PDE3A: variants seen among roughly 807,000 people sequenced by gnomAD.
PDE3A encodes the protein phosphodiesterase 3A.
Under a neutral mutation model 98.3 loss-of-function variants are expected in PDE3A, and 43 were observed. The observed-to-expected ratio is 0.44, with a 90% CI of 0.34 to 0.56. The LOEUF is 0.56. Ranked by LOEUF, PDE3A falls within the 20% of genes least tolerant of loss-of-function variation. The pLI, the probability that PDE3A is intolerant of heterozygous loss-of-function variation, is 0.01. For missense variants in PDE3A, 1,427 were observed against 1,440.7 expected (o/e 0.99, Z 0.15); for synonymous variants, 663 against 567.9 (o/e 1.17, Z -2.38).
chr12:20,386,070 A>AAATATATATAAAATATAT (rs1565532446), intron 1 of PDE3A, among the ~76,000 whole-genome samples: 1 of 37,146 alleles, frequency 2.7e-5, no homozygotes, highest in Non-Finnish European at 4.7e-5. Flanking sequence ...AAATATATAT[A>AAATATATATAAAATATAT]AAATATATAT....
chr12:20,393,418 C>T (rs932588515), intron 1 of PDE3A, among the ~76,000 whole-genome samples: 7 of 151,988 alleles, frequency 4.6e-5, no homozygotes, highest in African/African-American at 1.2e-4. Context: ...ATTCAGTTAC[C>T]TCCCACCAGT....
intron 1 of PDE3A, among the ~76,000 whole-genome samples, chr12:20,498,392 G>C (rs1307493895): frequency 6.6e-6 from 1 of 151,858 alleles, no homozygotes; most frequent in Non-Finnish European, 1.5e-5. Flanking sequence ...AAAAAAGTGA[G>C]TGAGTGTGTC....
intron 15 of PDE3A, among the ~76,000 whole-genome samples, chr12:20,668,703 C>G (rs1388847945): frequency 6.7e-6 from 1 of 150,020 alleles, no homozygotes; most frequent in African/African-American, 2.4e-5. Context: ...ATCTGTACAT[C>G]ACCATCATCA....
chr12:20,525,200 G>A (rs1358459012), intron 1 of PDE3A, among the ~76,000 whole-genome samples: 15 of 152,144 alleles, frequency 9.9e-5, no homozygotes, highest in Admixed American at 4.6e-4. Context: ...CTCCCTGTGC[G>A]TCAGTTTCCT....
At chr12:20,539,097 T>C (rs1941829012) in intron 1 of PDE3A, among the ~76,000 whole-genome samples, 1 of 152,086 alleles carries the variant, frequency 6.6e-6, no homozygotes, top group Non-Finnish European at 1.5e-5. Context: ...AAATGGAAGA[T>C]AGACAAAAGC....
chr12:20,446,024 A>G (rs1183769225), intron 1 of PDE3A, among the ~76,000 whole-genome samples: 2 of 152,192 alleles, frequency 1.3e-5, no homozygotes, highest in African/African-American at 4.8e-5. Flanking sequence ...GTGGTTCAAG[A>G]ATATCAGAGG....
intron 1 of PDE3A, among the ~76,000 whole-genome samples, chr12:20,546,546 G>A (rs1942064018): frequency 6.6e-6 from 1 of 151,886 alleles, no homozygotes; most frequent in Admixed American, 6.6e-5. Flanking sequence ...AGCAAATATA[G>A]GTAGCATAGA....
At chr12:20,502,585 G>T (rs983394965) in intron 1 of PDE3A, among the ~76,000 whole-genome samples, 1 of 152,112 alleles carries the variant, frequency 6.6e-6, no homozygotes, top group Non-Finnish European at 1.5e-5. Context: ...CCTAGAGCAG[G>T]TCTAGCAAAT....
chr12:20,467,313 TTTG>T (rs199525851), intron 1 of PDE3A, among the ~76,000 whole-genome samples: 2,125 of 127,044 alleles, frequency 0.017, 30 homozygotes, highest in African/African-American at 0.043. Flanking sequence ...ATGCTTTTTT[TTTG>T]TTTGTATATC....
chr12:20,563,265 T>G (rs750914308), intron 2 of PDE3A, among the ~76,000 whole-genome samples: 3 of 152,186 alleles, frequency 2.0e-5, no homozygotes, highest in Non-Finnish European at 2.9e-5. Context: ...GTTAAATCAT[T>G]TGTTTTTGAT....
At chr12:20,571,202 C>T (rs566533570) in intron 2 of PDE3A, among the ~76,000 whole-genome samples, 1 of 152,148 alleles carries the variant, frequency 6.6e-6, no homozygotes, top group Admixed American at 6.6e-5. Flanking sequence ...GTAAACTGAT[C>T]TCAGTCATAT....
intron 1 of PDE3A, among the ~76,000 whole-genome samples, chr12:20,403,914 C>T (rs1244651075): frequency 6.6e-6 from 1 of 151,956 alleles, no homozygotes; most frequent in Non-Finnish European, 1.5e-5. Flanking sequence ...ACATGGTAGG[C>T]ACTCAATTTC....
chr12:20,669,323 C>T (rs1288242283), intron 15 of PDE3A, among the ~76,000 whole-genome samples: 15 of 152,024 alleles, frequency 9.9e-5, no homozygotes, highest in South Asian at 2.1e-4. Flanking sequence ...GGCAGGCCAA[C>T]GTTCAGATTC....
intron 1 of PDE3A, among the ~76,000 whole-genome samples, chr12:20,544,252 A>G (rs1448563817): frequency 6.6e-6 from 1 of 151,026 alleles, no homozygotes; most frequent in Non-Finnish European, 1.5e-5. Context: ...CACATGAATG[A>G]GTGGATGGGT....
chr12:20,610,445 T>C (rs1230497701), intron 2 of PDE3A, among the ~76,000 whole-genome samples: 1 of 151,864 alleles, frequency 6.6e-6, no homozygotes, highest in Admixed American at 6.6e-5. Flanking sequence ...AACACTGCTG[T>C]TAGAAATGTA....
chr12:20,491,421 A>G (rs781081419), intron 1 of PDE3A, among the ~76,000 whole-genome samples: 2 of 152,132 alleles, frequency 1.3e-5, no homozygotes, highest in Admixed American at 6.5e-5. Flanking sequence ...TTTTGTTTCA[A>G]TGGGTTGTTG....
chr12:20,538,052 G>T (rs1294158902), intron 1 of PDE3A, among the ~76,000 whole-genome samples: 2 of 152,282 alleles, frequency 1.3e-5, no homozygotes, highest in African/African-American at 4.8e-5. Context: ...TAGTTAGAAA[G>T]ATATGCTTTT....
chr12:20,676,084 G>A (rs1311083187), intron 15 of PDE3A, among the ~76,000 whole-genome samples: 2 of 151,670 alleles, frequency 1.3e-5, no homozygotes, highest in African/African-American at 4.8e-5. Flanking sequence ...CTGTCTTATT[G>A]TTTATCATTG....
chr12:20,447,865 A>C (rs1294967627), intron 1 of PDE3A, among the ~76,000 whole-genome samples: 1 of 152,172 alleles, frequency 6.6e-6, no homozygotes, highest in Non-Finnish European at 1.5e-5. Flanking sequence ...AGAGGGGGGC[A>C]GTCTTGAGGG....
Sources: allele counts gnomAD v4.1 joint callset (sites outside exome capture counted in the v4.1 genomes callset), GRCh38; gene constraint gnomAD v4.1.1; transcripts MANE v1.5; gene names NCBI Gene and HGNC (gene_info 2026-07-23, HGNC 2026-07-21).